The following TGFBRAP1 variants were observed in gnomAD, a reference collection of about 807,000 sequenced individuals.
TGFBRAP1 encodes the protein transforming growth factor-beta receptor-associated protein 1.
TGFBRAP1 carries 20 observed loss-of-function variants against 83.2 expected under a neutral mutation model. That is an observed-to-expected ratio of 0.24 (90% CI 0.17 to 0.35). The LOEUF is 0.35. TGFBRAP1 is among the 10% of genes least tolerant of loss of function. TGFBRAP1 has a pLI of 1.00. For synonymous variants in TGFBRAP1, 415 were observed against 459.8 expected (o/e 0.90, Z 1.25); for missense variants, 950 against 1,099.4 (o/e 0.86, Z 1.92).
In TGFBRAP1 at chr2:105,296,384, C is replaced by T. The variant is rs768778929; in HGVS notation, c.1010G>A (p.Arg337Gln). 6.8e-6 allele frequency: 11 copies of T among 1,613,702 alleles called. No homozygotes were observed. Among genetic ancestry groups the T allele is most frequent in the South Asian group, 3.3e-5 (3 of 91,018 alleles). Residue 337 changes from arginine (R) to glutamine (Q), a missense_variant, in exon 4 of 12, where the codon CGG (arginine) becomes CAG (glutamine). Arg to Gln is a conservative substitution (Grantham distance 43). Transcript: ENST00000393359. ...EEALVLAKGARRNIPKEKFQV... is the reference protein window; with the variant it reads ...EEALVLAKGAQRNIPKEKFQV... ...AAATTTTTCCTTTGGAATGTTCCTC[C>T]GGGCTCCTTTTGCTAAAACCAAAGC...
chr2:105,269,485 G>C lies in TGFBRAP1; in HGVS notation c.2193C>G (p.His731Gln), dbSNP rs201216017. 2.5e-6 allele frequency: 4 copies of C among 1,613,498 alleles called. No individual in the cohort carries two copies. The highest frequency in any genetic ancestry group is 1.7e-5 in the Admixed American group (1 of 59,972). Residue 731 changes from histidine (H) to glutamine (Q), a missense_variant, in exon 11 of 12, where the codon CAC becomes CAG. Coordinates refer to ENST00000393359, the MANE Select transcript of TGFBRAP1 (RefSeq NM_004257.6). The surrounding 1 kb of genome is among the most constrained non-coding windows in gnomAD (Gnocchi z 4.1). ...AIYLHAGPTA[H>Q]ELAVAAVDLL... ...GGTCCACGGCAGCCACGGCCAGCTC[G>C]TGGGCAGTGGGGCCAGCATGCAGGT...
At chr2:105,250,685 G>A in the TGFBRAP1 span, among the ~76,000 whole-genome samples, 1 of 150,032 alleles carries the variant, frequency 6.7e-6, no homozygotes, top group Non-Finnish European at 1.5e-5. Context: ...CTCTTTCCAC[G>A]GTCTCCCCCT....
chr2:105,286,590 A>T (rs950008079), intron 4 of TGFBRAP1, among the ~76,000 whole-genome samples: 1 of 152,216 alleles, frequency 6.6e-6, no homozygotes, highest in Non-Finnish European at 1.5e-5. Flanking sequence ...CTCATCCTTC[A>T]TTATAAGGCA....
chr2:105,261,834 G>A (rs1456267183), downstream of TGFBRAP1, among the ~76,000 whole-genome samples: 3 of 152,192 alleles, frequency 2.0e-5, no homozygotes, highest in Non-Finnish European at 2.9e-5. Context: ...AAAAAGGTAT[G>A]TGTAGACCAA....
At chr2:105,259,177 G>A in the TGFBRAP1 span, among the ~76,000 whole-genome samples, 1 of 152,202 alleles carries the variant, frequency 6.6e-6, no homozygotes, top group African/African-American at 2.4e-5. Flanking sequence ...TGCAGGTGTG[G>A]AAATATGTTA....
intron 1 of TGFBRAP1, among the ~76,000 whole-genome samples, chr2:105,329,268 C>T (rs1679302395): frequency 6.6e-6 from 1 of 151,990 alleles, no homozygotes; most frequent in Admixed American, 6.6e-5. Flanking sequence ...TCAGGTCTTC[C>T]CTTGCCCTAA....
In TGFBRAP1 at chr2:105,272,917, G is replaced by A. The variant is rs150366059; in HGVS notation, c.1910C>T (p.Thr637Met). Residue 637 changes from threonine (T) to methionine (M), a missense_variant, in exon 10 of 12, where the codon ACG becomes ATG. Transcript: ENST00000393359. Reference sequence around the variant, plus strand: ...GAGCAGCCGCCGCAGCTTGGCCTGCGTCTCGGTGGCCTCTGCACCCTTGCC... The same window carrying A: ...GAGCAGCCGCCGCAGCTTGGCCTGCATCTCGGTGGCCTCTGCACCCTTGCC... Reference protein sequence around the residue: ...ASGKGAEATETQAKLRRLLQK... With the variant: ...ASGKGAEATEMQAKLRRLLQK... 196 of 1,610,718 alleles carry A rather than the reference G, an allele frequency of 1.2e-4. No individual in the cohort carries two copies. The highest frequency in any genetic ancestry group is 4.4e-4 in the African/African-American group (33 of 74,972).
At position 105,328,956 on chromosome 2, in the gene TGFBRAP1, C is replaced by T. The variant is rs564901708; in HGVS notation, c.-18+669G>A. ...CAGGCGGACTAACTTGCACCTGCAC[C>T]TCCAGAAGGCAATGGAAAGAAAACA... On this transcript the variant is annotated intron_variant, in intron 1 of 11. Transcript: ENST00000393359. 2.6e-5 allele frequency among the ~76,000 whole-genome samples: 4 copies of T among 152,274 alleles called. No individual in the cohort carries two copies. The South Asian group carries it at 8.3e-4, about 32-fold the overall frequency.
At chr2:105,295,004 C>T (rs80202291) in intron 4 of TGFBRAP1, among the ~76,000 whole-genome samples, 9 of 152,200 alleles carry the variant, frequency 5.9e-5, no homozygotes, top group East Asian at 5.8e-4. Context: ...CTGGGACTGG[C>T]GATCTGCCTC....
At chr2:105,329,462 C>A (rs1300515502) in intron 1 of TGFBRAP1, among the ~76,000 whole-genome samples, 163 bp downstream of exon 1, 1 of 147,630 alleles carries the variant, frequency 6.8e-6, no homozygotes. Context: ...GCTCCCCCCA[C>A]CCCGCGTTCC....
chr2:105,289,035 A>G (rs1003630361), intron 4 of TGFBRAP1, among the ~76,000 whole-genome samples: 1 of 152,200 alleles, frequency 6.6e-6, no homozygotes, highest in South Asian at 2.1e-4. Flanking sequence ...GTCCCTGCAC[A>G]TGTGTTTGGT....
At chr2:105,306,112 G>C (rs2104390319) in intron 2 of TGFBRAP1, among the ~76,000 whole-genome samples, 1 of 149,074 alleles carries the variant, frequency 6.7e-6, no homozygotes, top group Admixed American at 6.7e-5. Flanking sequence ...GCCCAGGCTG[G>C]AGTGCAATGG....
chr2:105,322,496 A>T (rs2263091), intron 1 of TGFBRAP1, among the ~76,000 whole-genome samples: 1 of 152,072 alleles, frequency 6.6e-6, no homozygotes, highest in East Asian at 1.9e-4. Context: ...CTCCATTCAC[A>T]GTAAGTGCCC....
intron 4 of TGFBRAP1, among the ~76,000 whole-genome samples, chr2:105,288,914 A>AATAT (rs1194963796): frequency 1.3e-5 from 2 of 152,202 alleles, no homozygotes; most frequent in Non-Finnish European, 2.9e-5. Context: ...CCTCTTGGGG[A>AATAT]ATCACAATAA....
chr2:105,319,205 C>T (rs907368484), intron 1 of TGFBRAP1, among the ~76,000 whole-genome samples: 3 of 151,830 alleles, frequency 2.0e-5, no homozygotes, highest in Non-Finnish European at 2.9e-5. Context: ...GGATTACAGG[C>T]GTGCATCATT....
chr2:105,283,703 C>T (rs1036682766), intron 5 of TGFBRAP1, among the ~76,000 whole-genome samples: 4 of 152,170 alleles, frequency 2.6e-5, no homozygotes, highest in East Asian at 1.9e-4. Flanking sequence ...GACAGCAAGG[C>T]GTGCCTGTAA....
chr2:105,296,940 T>C (rs968842703), intron 3 of TGFBRAP1, among the ~76,000 whole-genome samples: 3 of 152,088 alleles, frequency 2.0e-5, no homozygotes. Context: ...AAAATTAAAA[T>C]TTTAATGTGA....
At chr2:105,276,925 A>C (rs901981400) in intron 7 of TGFBRAP1, among the ~76,000 whole-genome samples, 1 of 152,204 alleles carries the variant, frequency 6.6e-6, no homozygotes, top group African/African-American at 2.4e-5. Context: ...GCCCCTCACA[A>C]AATAAAGCAA....
chr2:105,314,230 C>T (rs1194189686), intron 1 of TGFBRAP1, among the ~76,000 whole-genome samples: 1 of 151,610 alleles, frequency 6.6e-6, no homozygotes, highest in Non-Finnish European at 1.5e-5. Context: ...TTTAAGGTAC[C>T]CAGCCTGTAG....
Sources: allele counts gnomAD v4.1 joint callset (sites outside exome capture counted in the v4.1 genomes callset), GRCh38; gene constraint gnomAD v4.1.1; non-coding constraint Gnocchi (gnomAD v3.1); transcripts MANE v1.5; gene names NCBI Gene and HGNC (gene_info 2026-07-23, HGNC 2026-07-21).